Variants in DENND4C observed in about 807,000 individuals in gnomAD.
DENND4C encodes DENN domain-containing protein 4C.
In DENND4C, 108 loss-of-function variants were observed where a neutral mutation model predicts 203.0. The ratio of observed to expected loss-of-function variants is 0.53; its 90% CI spans 0.46 to 0.62. The LOEUF is 0.62. Among genes scored for constraint, DENND4C ranks in the 20% least tolerant of loss-of-function variants. The pLI, the probability that DENND4C is intolerant of heterozygous loss-of-function variation, is 0.00. For missense variants in DENND4C, 2,481 were observed against 2,301.2 expected (o/e 1.08, Z -1.60); for synonymous variants, 871 against 792.4 (o/e 1.10, Z -1.67).
At chr9:19,337,929 A>C (rs1820841825) in intron 20 of DENND4C, among the ~76,000 whole-genome samples, 1 of 152,196 alleles carries the variant, frequency 6.6e-6, no homozygotes, top group African/African-American at 2.4e-5. Flanking sequence ...GTTGGTTTGT[A>C]GCATCAGTGT....
At chr9:19,236,139 T>A (rs1588704481) in intron 1 of DENND4C, among the ~76,000 whole-genome samples, 1 of 152,132 alleles carries the variant, frequency 6.6e-6, no homozygotes, top group East Asian at 1.9e-4. Context: ...TTTTTTAAAT[T>A]ATGGAAAGAG....
At chr9:19,353,484 C>G (rs1327545303) in intron 26 of DENND4C, among the ~76,000 whole-genome samples, 2 of 151,308 alleles carry the variant, frequency 1.3e-5, no homozygotes, top group African/African-American at 4.9e-5. Context: ...AAAGATTAGC[C>G]AGGTGTGGCG....
At chr9:19,248,901 G>A (rs73423081) in intron 1 of DENND4C, among the ~76,000 whole-genome samples, 3 of 150,630 alleles carry the variant, frequency 2.0e-5, no homozygotes, top group Admixed American at 6.6e-5. Context: ...GGTGATTCTC[G>A]TGCCTCAGAC....
At chr9:19,334,737 G>A (rs1820058442) in intron 17 of DENND4C, among the ~76,000 whole-genome samples, 2 of 151,958 alleles carry the variant, frequency 1.3e-5, no homozygotes, top group Admixed American at 1.3e-4. Flanking sequence ...TGTTGGCCAG[G>A]TTGGTCTCGA....
At chr9:19,260,742 A>G (rs778119237) in intron 1 of DENND4C, among the ~76,000 whole-genome samples, 5 of 151,832 alleles carry the variant, frequency 3.3e-5, no homozygotes, top group Non-Finnish European at 7.4e-5. Context: ...GTTTGCAAAT[A>G]TTTTCTCCCA....
intron 1 of DENND4C, among the ~76,000 whole-genome samples, chr9:19,232,629 T>C (rs993678196): frequency 2.0e-5 from 3 of 152,206 alleles, no homozygotes; most frequent in Admixed American, 6.5e-5. Flanking sequence ...AGTATAAACT[T>C]AAGCTTTTAG....
chr9:19,278,572 C>T (rs1264052069), intron 2 of DENND4C, among the ~76,000 whole-genome samples: 1 of 152,094 alleles, frequency 6.6e-6, no homozygotes, highest in Non-Finnish European at 1.5e-5. Context: ...AGTCGGAATC[C>T]ACGAAGGAGT....
chr9:19,258,635 T>G, intron 1 of DENND4C, among the ~76,000 whole-genome samples: 1 of 152,044 alleles, frequency 6.6e-6, no homozygotes, highest in Admixed American at 6.6e-5. Context: ...AATTCTAATA[T>G]CCATTCTATT....
chr9:19,308,344 T>C (rs1045509512), intron 10 of DENND4C, among the ~76,000 whole-genome samples: 7 of 152,220 alleles, frequency 4.6e-5, no homozygotes, highest in African/African-American at 1.7e-4. Context: ...ACACTTGTGG[T>C]GACTTTTAAA....
At chr9:19,241,037 C>T (rs767564870) in intron 1 of DENND4C, among the ~76,000 whole-genome samples, 3 of 152,112 alleles carry the variant, frequency 2.0e-5, no homozygotes, top group South Asian at 4.1e-4. Flanking sequence ...AAACGTGGTA[C>T]ACCTATAATA....
chr9:19,341,311 C>CTT (rs5896841), intron 21 of DENND4C, among the ~76,000 whole-genome samples, 197 bp downstream of exon 21: 86 of 120,142 alleles, frequency 7.2e-4, no homozygotes, highest in African/African-American at 2.5e-3. Flanking sequence ...TTCTTTCTTT[C>CTT]TTTTTTTTTT....
At chr9:19,319,679 A>G (rs1842557152) in intron 12 of DENND4C, among the ~76,000 whole-genome samples, 2 of 151,948 alleles carry the variant, frequency 1.3e-5, no homozygotes, top group Non-Finnish European at 2.9e-5. Flanking sequence ...ATACTTACTC[A>G]GTTTCTAGGC....
intron 31 of DENND4C, among the ~76,000 whole-genome samples, chr9:19,370,981 T>C (rs979137382): frequency 1.3e-5 from 2 of 152,214 alleles, no homozygotes; most frequent in African/African-American, 4.8e-5. Flanking sequence ...GAGATGACCT[T>C]CTTCACAGTC....
intron 9 of DENND4C, among the ~76,000 whole-genome samples, 161 bp from the exon 10 acceptor site, chr9:19,305,191 C>G (rs1839422290): frequency 6.6e-6 from 1 of 152,062 alleles, no homozygotes; most frequent in South Asian, 2.1e-4. Context: ...CTTAGCATTG[C>G]TTAGTAGTAT....
chr9:19,346,730 G>A lies in DENND4C; in HGVS notation c.3961G>A (p.Ala1321Thr). The A allele has an allele frequency of 2.5e-6, 4 of 1,614,150 alleles. No homozygotes were observed. The highest frequency in any genetic ancestry group is 3.4e-6 in the Non-Finnish European group (4 of 1,180,024). ...TGGCATGACTACTGCATTTATTCAT[G>A]CTCTAGAGAGGAGATCAAGCCTACC... ...ESGMTTAFIHALERRSSLPLD... is the reference protein window; with the variant it reads ...ESGMTTAFIHTLERRSSLPLD... Residue 1321 changes from alanine (A) to threonine (T), a missense_variant, in exon 23 of 33, where the codon GCT becomes ACT. Coordinates refer to ENST00000434457, the MANE Select transcript of DENND4C (RefSeq NM_001330640.2).
chr9:19,352,678 A>G lies in DENND4C; in HGVS notation c.4781+13A>G. The G allele has an allele frequency of 6.4e-7, 1 of 1,560,956 alleles. No homozygotes were observed. The highest frequency in any genetic ancestry group is 8.7e-7 in the Non-Finnish European group (1 of 1,150,688). ...GAGGTTCTGCAAGGTTAGTCTTATA[A>G]AAGCTCTCTCAAGAAGTAAGTACCC... On this transcript the variant is annotated intron_variant, in intron 26 of 32. Transcript: ENST00000434457.
rs1822963146 is a variant in DENND4C at position 19,346,665 on chromosome 9, C to T, written c.3896C>T (p.Ser1299Phe). 1 of 1,614,148 alleles carries T rather than the reference C, an allele frequency of 6.2e-7. No homozygotes were observed. Among genetic ancestry groups the T allele is most frequent in the Non-Finnish European group, 8.5e-7 (1 of 1,180,046 alleles). Residue 1299 changes from serine to phenylalanine, a missense_variant, in exon 23 of 33, where the codon TCT (serine) becomes TTT (phenylalanine). Ser to Phe is a radical substitution (Grantham distance 155). Coordinates refer to ENST00000434457, the MANE Select transcript of DENND4C (RefSeq NM_001330640.2). ...MNLKSPLGSK[S>F]SSMELHREEN... is the part of the protein sequence containing the mutation. ...CTAAAAAGTCCCCTAGGTAGTAAAT[C>T]TTCTAGTATGGAATTACACAGAGAG...
chr9:19,329,136 G>C (rs1818522533), intron 16 of DENND4C, among the ~76,000 whole-genome samples: 1 of 152,118 alleles, frequency 6.6e-6, no homozygotes, highest in Non-Finnish European at 1.5e-5. Context: ...ATATTTACAG[G>C]TTTGTGCAAC....
intron 30 of DENND4C, among the ~76,000 whole-genome samples, chr9:19,368,557 G>A (rs1191580760): frequency 1.3e-5 from 2 of 152,140 alleles, no homozygotes; most frequent in African/African-American, 2.4e-5. Flanking sequence ...AGCACTTTTG[G>A]AGGCCAAGGT....
Sources: allele counts gnomAD v4.1 joint callset (sites outside exome capture counted in the v4.1 genomes callset), GRCh38; gene constraint gnomAD v4.1.1; transcripts MANE v1.5; gene names NCBI Gene and HGNC (gene_info 2026-07-23, HGNC 2026-07-21).